Variants in IHO1 observed in about 807,000 individuals in gnomAD.
IHO1 encodes the protein interactor of HORMAD1 protein 1.
A neutral mutation model predicts 31.0 loss-of-function variants in IHO1; 13 were observed. The ratio of observed to expected loss-of-function variants is 0.42; its 90% confidence interval spans 0.27 to 0.67. The LOEUF is 0.67. IHO1 is among the 30% of genes least tolerant of loss of function. The pLI, the probability that IHO1 is intolerant of heterozygous loss-of-function variation, is 0.24. For synonymous variants in IHO1, 221 were observed against 248.4 expected, an observed-to-expected ratio of 0.89 and a Z score of 1.04; for missense variants, 599 against 687.5, an observed-to-expected ratio of 0.87 and a Z score of 1.44.
chr3:49,247,511 C>T (rs1032724234), intron 6 of IHO1, among the ~76,000 whole-genome samples: 1 of 149,742 alleles, frequency 6.7e-6, no homozygotes, highest in African/African-American at 2.4e-5. Context: ...GGATTATAGG[C>T]GTGAGACACC....
chr3:49,249,162 A>G (rs1223623266), intron 6 of IHO1, among the ~76,000 whole-genome samples: 1 of 152,194 alleles, frequency 6.6e-6, no homozygotes, highest in African/African-American at 2.4e-5. Context: ...AGCTGAGGAC[A>G]CTAAGGACCA....
intron 3 of IHO1, among the ~76,000 whole-genome samples, chr3:49,240,288 A>G (rs1175438187): frequency 6.6e-6 from 1 of 152,044 alleles, no homozygotes; most frequent in African/African-American, 2.4e-5. Flanking sequence ...CAGTGGTGCA[A>G]TCTTGGCTCA....
intron 1 of IHO1, chr3:49,200,509 A>AAGAAAGAAAGAAAG: frequency 2.2e-6 from 2 of 905,212 alleles, no homozygotes; most frequent in Non-Finnish European, 2.6e-6. Context: ...GAAAGAAAGA[A>AAGAAAGAAAGAAAG]AGAAAGAAAA....
At chr3:49,242,218 C>A (rs1316327164) in intron 4 of IHO1, among the ~76,000 whole-genome samples, 1 of 152,198 alleles carries the variant, frequency 6.6e-6, no homozygotes, top group Non-Finnish European at 1.5e-5. Flanking sequence ...GCTGGCATTA[C>A]AAGCATGAGC....
At position 49,238,280 on chromosome 3, in the gene IHO1, A is replaced by AGTTTT. The variant is rs370628737; in HGVS notation, c.231+1584_231+1588dup. 9.3e-4 allele frequency among the ~76,000 whole-genome samples: 142 copies of AGTTTT among 151,968 alleles called. 1 individual carries two copies. Among genetic ancestry groups the AGTTTT allele is most frequent in the East Asian group, 1.9e-3 (10 of 5,172 alleles). On this transcript the variant is annotated intron_variant, in intron 3 of 7. Coordinates refer to ENST00000452691, the MANE Select transcript of IHO1 (RefSeq NM_001135197.2). ...TTTGGAGGCACCTATAACTAAATGT[A>AGTTTT]GTTTTGTTTTGTTTTGTTTTGTTTT... is the stretch of plus-strand genomic sequence containing the variant.
intron 2 of IHO1, among the ~76,000 whole-genome samples, chr3:49,227,922 C>T (rs529057712): frequency 7.9e-5 from 12 of 152,246 alleles, no homozygotes; most frequent in South Asian, 4.1e-4. Flanking sequence ...CCCCCTACGA[C>T]GGAGCTTTGG....
intron 6 of IHO1, among the ~76,000 whole-genome samples, chr3:49,249,906 G>A (rs1023262391): frequency 2.0e-5 from 3 of 152,192 alleles, no homozygotes; most frequent in Non-Finnish European, 2.9e-5. Context: ...GCCATCCGGG[G>A]AAAAGCTTGC....
Position 49,236,561 on chromosome 3 carries a change from T to C in IHO1, c.70T>C (p.Ser24Pro). ...IPSGSGNKKS[S>P]NWNNNQNDYS... ...GCTAAATTTCAGGAACAAGAAGTCATCCAACTGGAATAATAATCAAAATGA... is the reference window on the plus strand; with the variant it reads ...GCTAAATTTCAGGAACAAGAAGTCACCCAACTGGAATAATAATCAAAATGA... Residue 24 changes from serine (S) to proline (P), a missense_variant, in exon 3 of 8, where the codon TCC (serine) becomes CCC (proline). Coordinates refer to ENST00000452691, the MANE Select transcript of IHO1 (RefSeq NM_001135197.2). 6.2e-7 allele frequency: 1 copy of C among 1,608,828 alleles called. No individual in the cohort carries two copies. The highest frequency in any genetic ancestry group is 8.5e-7 in the Non-Finnish European group (1 of 1,176,842).
upstream of IHO1, among the ~76,000 whole-genome samples, chr3:49,193,849 C>T (rs2045980285): frequency 6.6e-6 from 1 of 151,148 alleles, no homozygotes; most frequent in African/African-American, 2.4e-5. Flanking sequence ...GTAGTCCCAG[C>T]TACTCAGGAG....
chr3:49,256,014 G>T lies in IHO1; in HGVS notation c.637-120G>T, dbSNP rs945397387. On this transcript the variant is annotated intron_variant, in intron 7 of 7. Coordinates refer to ENST00000452691, the MANE Select transcript of IHO1 (RefSeq NM_001135197.2). The surrounding 1 kb of genome is among the most constrained non-coding windows in gnomAD (Gnocchi z 4.6). ...AGTGTAATTGTGCTTACCCTGAGAG[G>T]TTCCCTACAAGGAGCAAGCCTTGGT... 35 of 851,866 alleles carry T rather than the reference G, an allele frequency of 4.1e-5. No individual in the cohort carries two copies. The highest frequency in any genetic ancestry group is 6.1e-5 in the Non-Finnish European group (33 of 541,386). 52.8% of individuals were successfully genotyped at this position (851,866 alleles called of 1,614,324 possible). A position where few individuals can be genotyped will look rare whatever the true frequency, so the allele number is the denominator to read the frequency against.
chr3:49,216,712 C>G (rs146422722), intron 2 of IHO1, among the ~76,000 whole-genome samples: 6 of 148,562 alleles, frequency 4.0e-5, no homozygotes, highest in African/African-American at 1.5e-4. Flanking sequence ...AGGCACCCTA[C>G]GGAATGGGAG....
At chr3:49,208,413 T>G (rs908467109) in intron 1 of IHO1, among the ~76,000 whole-genome samples, 7 of 152,218 alleles carry the variant, frequency 4.6e-5, no homozygotes, top group Non-Finnish European at 7.3e-5. Context: ...GAACTGCACA[T>G]GCAAGGGATC....
chr3:49,213,727 T>C (rs2046251464), intron 2 of IHO1, among the ~76,000 whole-genome samples: 1 of 152,236 alleles, frequency 6.6e-6, no homozygotes, highest in African/African-American at 2.4e-5. Context: ...GCAGGCTGGC[T>C]GCTCTGAGTG....
chr3:49,242,210 T>C (rs1032249720), intron 4 of IHO1, among the ~76,000 whole-genome samples: 2 of 152,208 alleles, frequency 1.3e-5, no homozygotes, highest in Non-Finnish European at 2.9e-5. Context: ...CCCAAAGTGC[T>C]GGCATTACAA....
At chr3:49,249,517 C>T (rs2046735666) in intron 6 of IHO1, among the ~76,000 whole-genome samples, 1 of 152,144 alleles carries the variant, frequency 6.6e-6, no homozygotes, top group Non-Finnish European at 1.5e-5. Context: ...ATCCACCTAC[C>T]TCAGCCTCCC....
At chr3:49,206,742 C>A (rs189081710) in intron 1 of IHO1, among the ~76,000 whole-genome samples, 1 of 152,104 alleles carries the variant, frequency 6.6e-6, no homozygotes, top group Admixed American at 6.6e-5. Flanking sequence ...GGTTCAAATG[C>A]CTCTGACAGG....
chr3:49,225,993 G>A (rs1376818633), intron 2 of IHO1, among the ~76,000 whole-genome samples: 1 of 152,184 alleles, frequency 6.6e-6, no homozygotes, highest in East Asian at 1.9e-4. Flanking sequence ...CTCTGGGGTA[G>A]TGCACCTTCC....
Position 49,256,392 on chromosome 3 carries a change from G to C in IHO1, c.895G>C (p.Ala299Pro). The C allele has an allele frequency of 1.2e-6, 2 of 1,614,136 alleles. No homozygotes were observed. The highest frequency in any genetic ancestry group is 8.5e-7 in the Non-Finnish European group (1 of 1,180,024). The change falls in exon 8 of 8, where the codon GCC becomes CCC. Residue 299 changes from alanine to proline, a missense_variant. Transcript: ENST00000452691. The surrounding 1 kb of genome is among the most constrained non-coding windows in gnomAD (Gnocchi z 4.6). ...CTCTGAGAAACCAGTTTTATGGCAG[G>C]CCCAGGCCCTCCCTGCTGCATGGAA... ...YTSEKPVLWQ[A>P]QALPAAWNPG...
In IHO1 at chr3:49,257,547, G is replaced by A. The variant is rs928583941; in HGVS notation, c.*265G>A. The A allele has an allele frequency of 2.4e-6, 1 of 409,786 alleles. No individual in the cohort carries two copies. Among genetic ancestry groups the A allele is most frequent in the Non-Finnish European group, 4.5e-6 (1 of 224,408 alleles). 25.4% of individuals were successfully genotyped at this position (409,786 alleles called of 1,614,324 possible). ...AAACTGAGGCAGCAGCCTGGTTGTG[G>A]GGCATCTGGAGCAGGGTGCCTGTAC... is the stretch of plus-strand genomic sequence containing the variant. On this transcript the variant is annotated 3_prime_UTR_variant, in exon 8 of 8. Coordinates refer to ENST00000452691, the MANE Select transcript of IHO1 (RefSeq NM_001135197.2).
Sources: allele counts gnomAD v4.1 joint callset (sites outside exome capture counted in the v4.1 genomes callset), GRCh38; gene constraint gnomAD v4.1.1; non-coding constraint Gnocchi (gnomAD v3.1); transcripts MANE v1.5; gene names NCBI Gene and HGNC (gene_info 2026-07-23, HGNC 2026-07-21).